The following NAV3 variants were observed in gnomAD, a reference collection of about 807,000 sequenced individuals.
The protein encoded by NAV3 is pore membrane and/or filament interacting like protein 1.
A neutral mutation model predicts 244.7 loss-of-function variants in NAV3; 87 were observed. That is an observed-to-expected ratio of 0.36 (90% CI 0.30 to 0.42). The LOEUF (loss-of-function observed/expected upper bound fraction) is 0.42. Ranked by LOEUF, NAV3 falls within the 20% of genes least tolerant of loss-of-function variation. The probability of loss-of-function intolerance (pLI) is 1.00; values close to 1 mark genes in which losing one functional copy is unlikely to be tolerated. For missense variants in NAV3, 2,663 were observed against 2,893.3 expected (o/e 0.92, Z 1.83); for synonymous variants, 1,126 against 1,042.2 (o/e 1.08, Z -1.55).
chr12:78,064,389 C>A (rs1420800964), intron 12 of NAV3, among the ~76,000 whole-genome samples: 1 of 140,936 alleles, frequency 7.1e-6, no homozygotes, highest in Admixed American at 7.1e-5. Context: ...AGACATCTAT[C>A]TATCTGTGTC....
rs2137251427 is a variant in NAV3 at position 78,050,901 on chromosome 12, C to T, written c.2270C>T (p.Pro757Leu). 3.1e-6 allele frequency: 5 copies of T among 1,614,038 alleles called. No individual in the cohort carries two copies. Among genetic ancestry groups the T allele is most frequent in the Non-Finnish European group, 4.2e-6 (5 of 1,179,982 alleles). The part of the protein sequence containing the change: ...ACPRLQAGDA[P>L]SLGAGYPRSG... ...CCGCGACTTCAGGCGGGAGATGCTC[C>T]CTCCCTGGGTGCTGGCTATCCTCGC... is the stretch of plus-strand genomic sequence containing the variant. Residue 757 changes from proline to leucine, a missense_variant, in exon 11 of 40, where the codon CCC becomes CTC. Around this residue, in one of 6 missense-constraint regions of NAV3, gnomAD observed 1,521 missense variants for 1,497.0 expected, o/e 1.02. Transcript: ENST00000397909.
chr12:77,752,284 G>A (rs188224180), intron 2 of NAV3, among the ~76,000 whole-genome samples: 64 of 152,126 alleles, frequency 4.2e-4, no homozygotes, highest in African/African-American at 1.5e-3. Context: ...GTTTTGACAT[G>A]GAAGCTGGGA....
Position 78,138,614 on chromosome 12 carries a change from C to G in NAV3, c.4630+1249C>G, listed in dbSNP as rs374495513. ...TAGATAGACAAAATATAACTACTCT[C>G]AAATGTAAGGACCCTGCTTTCTGAA... is the stretch of plus-strand genomic sequence containing the variant. On this transcript the variant is annotated intron_variant, in intron 19 of 39. Coordinates refer to ENST00000397909, the MANE Select transcript of NAV3 (RefSeq NM_001024383.2). 7.2e-5 allele frequency among the ~76,000 whole-genome samples: 11 copies of G among 152,242 alleles called. No individual in the cohort carries two copies. The East Asian group carries it at 7.7e-4, about 11-fold the overall frequency.
At chr12:77,625,796 G>C (rs1871593486) in intron 2 of NAV3, among the ~76,000 whole-genome samples, 2 of 152,128 alleles carry the variant, frequency 1.3e-5, no homozygotes, top group African/African-American at 4.8e-5. Flanking sequence ...GTAGGAAAAA[G>C]TTTTTCCCTG....
intron 39 of NAV3, among the ~76,000 whole-genome samples, chr12:78,208,530 C>A (rs971828225): frequency 6.6e-6 from 1 of 152,154 alleles, no homozygotes; most frequent in African/African-American, 2.4e-5. Flanking sequence ...CATACGTAAT[C>A]TTCTCTTGTA....
intron 12 of NAV3, among the ~76,000 whole-genome samples, chr12:78,062,076 C>G (rs1884406507): frequency 6.6e-6 from 1 of 152,088 alleles, no homozygotes; most frequent in Non-Finnish European, 1.5e-5. Flanking sequence ...CTGCAGCATG[C>G]CGTTGATTTT....
At chr12:77,617,508 A>G (rs1171490768) in intron 2 of NAV3, among the ~76,000 whole-genome samples, 1 of 152,246 alleles carries the variant, frequency 6.6e-6, no homozygotes, top group Non-Finnish European at 1.5e-5. Context: ...TTCCTTGTAT[A>G]GAACCACCAG....
intron 31 of NAV3, among the ~76,000 whole-genome samples, chr12:78,187,623 A>G (rs919683008): frequency 8.6e-5 from 13 of 151,934 alleles, no homozygotes; most frequent in Non-Finnish European, 1.5e-4. Flanking sequence ...TGATGAAACG[A>G]ATCCTGTAGG....
intron 2 of NAV3, among the ~76,000 whole-genome samples, chr12:77,619,236 C>G (rs368324483): frequency 1.6e-4 from 25 of 152,252 alleles, no homozygotes; most frequent in East Asian, 1.5e-3. Flanking sequence ...GTCAACCCCC[C>G]TTAGGTTTAT....
At chr12:77,928,242 AAGAG>A (rs1555232579) in intron 1 of NAV3, among the ~76,000 whole-genome samples, 69 of 137,870 alleles carry the variant, frequency 5.0e-4, no homozygotes, top group South Asian at 1.0e-3. Flanking sequence ...AAAAAAAAAA[AAGAG>A]AGAGAGGGAA....
intron 12 of NAV3, among the ~76,000 whole-genome samples, chr12:78,071,066 C>G (rs1952738204): frequency 2.0e-5 from 3 of 151,438 alleles, no homozygotes. Context: ...GGGTATATAC[C>G]CAGTAATGGG....
intron 2 of NAV3, among the ~76,000 whole-genome samples, chr12:77,744,791 A>G (rs1465186772): frequency 6.6e-6 from 1 of 151,766 alleles, no homozygotes; most frequent in Non-Finnish European, 1.5e-5. Context: ...ATTGATTTAA[A>G]TGATATGCTA....
intron 8 of NAV3, among the ~76,000 whole-genome samples, chr12:78,008,111 T>A (rs1874561389): frequency 6.6e-6 from 1 of 152,216 alleles, no homozygotes; most frequent in African/African-American, 2.4e-5. Flanking sequence ...AAGATATTAC[T>A]TTCTCAGTGT....
chr12:77,583,819 C>T (rs1442702019), intron 2 of NAV3, among the ~76,000 whole-genome samples: 1 of 152,158 alleles, frequency 6.6e-6, no homozygotes, highest in Non-Finnish European at 1.5e-5. Flanking sequence ...CCGACATAAT[C>T]TCATCCCATT....
At chr12:77,812,457 C>G (rs920684974) in intron 2 of NAV3, among the ~76,000 whole-genome samples, 1 of 151,830 alleles carries the variant, frequency 6.6e-6, no homozygotes, top group African/African-American at 2.4e-5. Flanking sequence ...GTTGCCCAGG[C>G]TGGAGTGCAG....
At chr12:77,728,930 C>T (rs1301547914) in intron 2 of NAV3, among the ~76,000 whole-genome samples, 1 of 151,862 alleles carries the variant, frequency 6.6e-6, no homozygotes, top group Non-Finnish European at 1.5e-5. Flanking sequence ...GCCTACTCAG[C>T]ATGAAGACAA....
chr12:78,112,384 A>G (rs1955142734), intron 12 of NAV3, among the ~76,000 whole-genome samples: 1 of 152,090 alleles, frequency 6.6e-6, no homozygotes, highest in Non-Finnish European at 1.5e-5. Flanking sequence ...TCTGTTCTTA[A>G]ACTGCTAATG....
chr12:78,177,074 A>G, intron 26 of NAV3, 67 bp from the exon 27 acceptor site: 2 of 1,578,366 alleles, frequency 1.3e-6, no homozygotes, highest in Non-Finnish European at 1.7e-6. Context: ...TCTGCAAACT[A>G]ACGCCCCAAA....
intron 2 of NAV3, among the ~76,000 whole-genome samples, chr12:77,777,143 C>A (rs1184163381): frequency 6.6e-6 from 1 of 152,138 alleles, no homozygotes. Context: ...CAGATAGCAC[C>A]AAACCCTATA....
Sources: gnomAD v4.1 joint callset for allele counts (sites outside exome capture counted in the v4.1 genomes callset) on GRCh38, gnomAD v4.1.1 for gene constraint, gnomAD v4.1.1 regional missense constraint, MANE v1.5 for transcripts, NCBI Gene and HGNC (gene_info 2026-07-23, HGNC 2026-07-21) for gene names.